The following PCDHGB5 variants were observed in gnomAD, a reference collection of about 807,000 sequenced individuals.
PCDHGB5 encodes protocadherin gamma-B5.
Under a neutral mutation model 62.9 loss-of-function variants are expected in PCDHGB5, and 48 were observed. That is an observed-to-expected ratio of 0.76 (90% CI 0.61 to 0.97). PCDHGB5 has a LOEUF of 0.97. Ranked by LOEUF, PCDHGB5 falls within the 50% of genes least tolerant of loss-of-function variation. The probability of loss-of-function intolerance (pLI) is 0.00; values close to 1 mark genes in which losing one functional copy is unlikely to be tolerated. For synonymous variants in PCDHGB5, 474 were observed against 511.2 expected (o/e 0.93, Z 0.98); for missense variants, 1,118 against 1,198.6 (o/e 0.93, Z 0.99).
At chr5:141,447,656 C>T (rs1352103605) in intron 1 of PCDHGB5, among the ~76,000 whole-genome samples, 1 of 152,056 alleles carries the variant, frequency 6.6e-6, no homozygotes, top group Non-Finnish European at 1.5e-5. Flanking sequence ...ATTTTCCCCC[C>T]CAGGAAGTTA....
At chr5:141,469,543 C>G (rs1031152008) in intron 1 of PCDHGB5, among the ~76,000 whole-genome samples, 4 of 152,040 alleles carry the variant, frequency 2.6e-5, no homozygotes, top group Non-Finnish European at 4.4e-5. Flanking sequence ...CCACTGCACT[C>G]CAGCCTGGCG....
In PCDHGB5 at chr5:141,398,481, C is replaced by T. The variant is rs377302058; in HGVS notation, c.354C>T (p.His118=). ...CTGAAAATCCACTGAACTTTTATCACGTGAATGTGGAGATCGAGGACATTA... is the reference window on the plus strand; with the variant it reads ...CTGAAAATCCACTGAACTTTTATCATGTGAATGTGGAGATCGAGGACATTA... ...AVAENPLNFY[H]VNVEIEDIND... The change falls in exon 1 of 4, where the codon CAC becomes CAT. Residue 118 remains histidine, a synonymous_variant. Transcript: ENST00000617380. The T allele has an allele frequency of 6.8e-6, 11 of 1,607,008 alleles. No individual in the cohort carries two copies. In the African/African-American group the frequency reaches 8.1e-5, roughly 12 times the overall value.
In PCDHGB5 at chr5:141,490,794, C is replaced by G. The variant is rs763933771; in HGVS notation, c.2398-4013C>G. The G allele has an allele frequency of 5.0e-6, 8 of 1,613,976 alleles. No individual in the cohort carries two copies. In the South Asian group the frequency reaches 7.7e-5, roughly 16 times the overall value. ...ACCCAGAGGATGGACGGATCTTTGCCCAGCGTACCTTTGACTATGAATTGC... is the reference window on the plus strand; with the variant it reads ...ACCCAGAGGATGGACGGATCTTTGCGCAGCGTACCTTTGACTATGAATTGC... On this transcript the variant is annotated intron_variant, in intron 1 of 3. Transcript: ENST00000617380. The surrounding 1 kb of genome is among the most constrained non-coding windows in gnomAD (Gnocchi z 5.4).
chr5:141,490,380 T>C lies in PCDHGB5; in HGVS notation c.2398-4427T>C, dbSNP rs1246254637. 1 of 1,614,204 alleles carries C rather than the reference T, an allele frequency of 6.2e-7. No individual in the cohort carries two copies. ...TTAATGTGCGAGACCGGGACTCAGGTAGAAATGGTGAAGTGAGCCTTGATA... is the reference window on the plus strand; with the variant it reads ...TTAATGTGCGAGACCGGGACTCAGGCAGAAATGGTGAAGTGAGCCTTGATA... On this transcript the variant is annotated intron_variant, in intron 1 of 3. Coordinates refer to ENST00000617380, the MANE Select transcript of PCDHGB5 (RefSeq NM_018925.3). This position sits in a 1 kb window ranked among gnomAD's most constrained non-coding sequence, Gnocchi z 5.4.
intron 1 of PCDHGB5, chr5:141,421,951 A>G: frequency 6.2e-7 from 1 of 1,612,854 alleles, no homozygotes; most frequent in Non-Finnish European, 8.5e-7. Flanking sequence ...TCACATCCCA[A>G]TGTTTACACA....
chr5:141,487,397 G>C lies in PCDHGB5; in HGVS notation c.2398-7410G>C. On this transcript the variant is annotated intron_variant, in intron 1 of 3. Coordinates refer to ENST00000617380, the MANE Select transcript of PCDHGB5 (RefSeq NM_018925.3). The surrounding 1 kb of genome is among the most constrained non-coding windows in gnomAD (Gnocchi z 5.0). ...TCTCACCAGATCTCGAAGGAGGGAG[G>C]GGCTTCCCCCTTCCAATGGGATCCT... The C allele has an allele frequency of 6.2e-7, 1 of 1,614,062 alleles. No homozygotes were observed. The highest frequency in any genetic ancestry group is 8.5e-7 in the Non-Finnish European group (1 of 1,180,008).
chr5:141,508,334 C>T (rs1323577321), intron 3 of PCDHGB5: 2 of 151,150 alleles, frequency 1.3e-5, no homozygotes, highest in African/African-American at 4.9e-5. Flanking sequence ...GGAGAACTGA[C>T]TCTACAGAAA....
intron 1 of PCDHGB5, chr5:141,410,428 C>A (rs376561050): frequency 5.0e-6 from 8 of 1,613,906 alleles, no homozygotes; most frequent in African/African-American, 1.3e-5. Flanking sequence ...TTCCCCCCAA[C>A]TACAGTGAGG....
Position 141,431,655 on chromosome 5 carries a change from G to A in PCDHGB5, c.2397+31131G>A, listed in dbSNP as rs199998405. On this transcript the variant is annotated intron_variant, in intron 1 of 3. Transcript: ENST00000617380. This position sits in a 1 kb window ranked among gnomAD's most constrained non-coding sequence, Gnocchi z 4.8. Reference sequence around the variant, plus strand: ...GTTTTCAAACTAGATTGTAATTCAGGGACAATATCAACAATAGGGGAGTTG... The same window carrying A: ...GTTTTCAAACTAGATTGTAATTCAGAGACAATATCAACAATAGGGGAGTTG... 52 of 1,614,208 alleles carry A rather than the reference G, an allele frequency of 3.2e-5. No individual in the cohort carries two copies. The highest frequency in any genetic ancestry group is 3.3e-4 in the Middle Eastern group (2 of 6,062).
At chr5:141,428,004 G>A in intron 1 of PCDHGB5, 1 of 1,601,732 alleles carries the variant, frequency 6.2e-7, no homozygotes, top group Non-Finnish European at 8.5e-7. Flanking sequence ...CGCACTCTTC[G>A]ATATAGTGCC....
intron 1 of PCDHGB5, among the ~76,000 whole-genome samples, chr5:141,482,356 G>A (rs1330274684): frequency 6.6e-6 from 1 of 152,118 alleles, no homozygotes; most frequent in Non-Finnish European, 1.5e-5. Flanking sequence ...TGTTGTGAGA[G>A]TGAAAAGTAA....
chr5:141,422,151 G>A (rs763343536), intron 1 of PCDHGB5: 1 of 1,575,938 alleles, frequency 6.3e-7, no homozygotes, highest in Admixed American at 2.0e-5. Flanking sequence ...GGGGGTCTCT[G>A]GATTTTGAAA....
chr5:141,440,618 C>G (rs1287745652), intron 1 of PCDHGB5: 3 of 152,196 alleles, frequency 2.0e-5, no homozygotes, highest in South Asian at 2.1e-4. Context: ...GCAGAAGATC[C>G]TGATGTTGAG....
rs1001516677 is a variant in PCDHGB5 at position 141,399,747 on chromosome 5, A to G, written c.1620A>G (p.Ala540=). The change falls in exon 1 of 4, where the codon GCA becomes GCG. Residue 540 remains alanine, a synonymous_variant. Coordinates refer to ENST00000617380, the MANE Select transcript of PCDHGB5 (RefSeq NM_018925.3). The part of the protein sequence containing the change: ...ARDQGSPALS[A]NVSLRVLVGD... The stretch of plus-strand genomic sequence containing the variant: ...ACCAGGGCTCGCCTGCGCTCAGCGC[A>G]AACGTGAGCCTGCGCGTGTTGGTGG... 3.7e-6 allele frequency: 6 copies of G among 1,613,228 alleles called. No homozygotes were observed. In the African/African-American group the frequency reaches 6.7e-5, roughly 18 times the overall value.
Position 141,397,948 on chromosome 5 carries a change from C to T in PCDHGB5, c.-180C>T, listed in dbSNP as rs139631080. The T allele has an allele frequency of 7.9e-4, 721 of 913,614 alleles. 6 individuals are homozygous for T. The African/African-American group carries it at 0.01, about 13-fold the overall frequency. The allele number at this position is 913,614 out of a possible 1,614,324, so 56.6% of individuals were successfully genotyped here. On this transcript the variant is annotated 5_prime_UTR_variant, in exon 1 of 4. Coordinates refer to ENST00000617380, the MANE Select transcript of PCDHGB5 (RefSeq NM_018925.3). Reference sequence around the variant, plus strand: ...CGCAGCCGCAGCGCGCTTTCCAGGGCAGCCCCAGCTCAGACTCCCCAGCGC... The same window carrying T: ...CGCAGCCGCAGCGCGCTTTCCAGGGTAGCCCCAGCTCAGACTCCCCAGCGC...
chr5:141,419,269 C>G (rs1456612499), intron 1 of PCDHGB5: 1 of 1,614,034 alleles, frequency 6.2e-7, no homozygotes, highest in Admixed American at 1.7e-5. Flanking sequence ...CGGGTGCCTC[C>G]ATAGCGCAAG....
chr5:141,415,740 G>GTTTTTTTTTTTTTTTTTTTT (rs57426385), intron 1 of PCDHGB5: 5 of 625,024 alleles, frequency 8.0e-6, no homozygotes, highest in African/African-American at 5.0e-5. Flanking sequence ...GTTTATTAAG[G>GTTTTTTTTTTTTTTTTTTTT]TTTTTTTTTT....
Position 141,490,270 on chromosome 5 carries a change from A to G in PCDHGB5, c.2398-4537A>G. On this transcript the variant is annotated intron_variant, in intron 1 of 3. Coordinates refer to ENST00000617380, the MANE Select transcript of PCDHGB5 (RefSeq NM_018925.3). The surrounding 1 kb of genome is among the most constrained non-coding windows in gnomAD (Gnocchi z 5.4). The stretch of plus-strand genomic sequence containing the variant: ...GATTCAAGTGGATGTGGGGGATGTC[A>G]ATGACAATGCCCCAGAGGTGCTATT... The G allele has an allele frequency of 6.2e-7, 1 of 1,614,226 alleles. No individual in the cohort carries two copies. Among genetic ancestry groups the G allele is most frequent in the African/African-American group, 1.3e-5 (1 of 75,060 alleles).
At chr5:141,422,683 G>A in intron 1 of PCDHGB5, 1 of 1,605,286 alleles carries the variant, frequency 6.2e-7, no homozygotes, top group Non-Finnish European at 8.5e-7. Flanking sequence ...CAAACAGAAT[G>A]CCCTGGTCAC....
Sources: gnomAD v4.1 joint callset for allele counts (sites outside exome capture counted in the v4.1 genomes callset) on GRCh38, gnomAD v4.1.1 for gene constraint, Gnocchi (gnomAD v3.1) non-coding constraint, MANE v1.5 for transcripts, NCBI Gene and HGNC (gene_info 2026-07-23, HGNC 2026-07-21) for gene names.